The following MAML2 variants were observed in gnomAD, a reference collection of about 807,000 sequenced individuals.
MAML2 encodes mastermind like transcriptional coactivator 2, also known as mastermind-like protein 2.
Under a neutral mutation model 96.1 loss-of-function variants are expected in MAML2, and 22 were observed. The ratio of observed to expected loss-of-function variants is 0.23; its 90% CI spans 0.16 to 0.33. The LOEUF is 0.33. MAML2 is among the 10% of genes least tolerant of loss of function. MAML2 has a pLI of 1.00. For synonymous variants in MAML2, 561 were observed against 521.3 expected (o/e 1.08, Z -1.04); for missense variants, 1,367 against 1,392.4 (o/e 0.98, Z 0.29).
chr11:96,182,027 A>G (rs957531958), intron 1 of MAML2, among the ~76,000 whole-genome samples: 1 of 152,200 alleles, frequency 6.6e-6, no homozygotes, highest in African/African-American at 2.4e-5. Context: ...AAAAAGACAA[A>G]CTAATTTTCA....
chr11:96,305,840 G>A (rs1863454525), intron 1 of MAML2, among the ~76,000 whole-genome samples: 1 of 151,914 alleles, frequency 6.6e-6, no homozygotes, highest in African/African-American at 2.4e-5. Context: ...GGTTAAACTG[G>A]GTGAAAATAA....
intron 2 of MAML2, among the ~76,000 whole-genome samples, chr11:96,047,930 A>AAAAAAAAAAAAAG (rs1555001442): frequency 2.4e-5 from 3 of 127,392 alleles, no homozygotes; most frequent in African/African-American, 2.7e-5. Context: ...AAAAAAAAAA[A>AAAAAAAAAAAAAG]AAAAGAAAAA....
intron 2 of MAML2, among the ~76,000 whole-genome samples, chr11:96,072,838 C>T (rs568924053): frequency 2.2e-4 from 33 of 152,270 alleles, no homozygotes; most frequent in South Asian, 6.2e-4. Flanking sequence ...AAGGCAAATC[C>T]GCAAGTCTCC....
chr11:96,230,886 C>T (rs922843076), intron 1 of MAML2, among the ~76,000 whole-genome samples: 1 of 152,240 alleles, frequency 6.6e-6, no homozygotes, highest in Non-Finnish European at 1.5e-5. Context: ...CTCACTTCTG[C>T]ATTTCCTTCC....
At chr11:96,197,872 C>G (rs899562219) in intron 1 of MAML2, among the ~76,000 whole-genome samples, 1 of 151,986 alleles carries the variant, frequency 6.6e-6, no homozygotes, top group Non-Finnish European at 1.5e-5. Flanking sequence ...TAGGACTCAG[C>G]CAGGTGAAGT....
chr11:96,207,652 G>A (rs551512513), intron 1 of MAML2, among the ~76,000 whole-genome samples: 16 of 152,330 alleles, frequency 1.1e-4, no homozygotes, highest in Non-Finnish European at 1.5e-4. Flanking sequence ...CCACTTTACC[G>A]TATGGAGTAT....
chr11:96,095,029 T>C (rs574840582), intron 1 of MAML2, among the ~76,000 whole-genome samples: 2 of 152,340 alleles, frequency 1.3e-5, no homozygotes, highest in African/African-American at 4.8e-5. Context: ...TTATTACCCT[T>C]AATTTATAAA....
intron 1 of MAML2, among the ~76,000 whole-genome samples, chr11:96,282,106 G>A (rs917745835): frequency 6.6e-6 from 1 of 151,868 alleles, no homozygotes; most frequent in Non-Finnish European, 1.5e-5. Flanking sequence ...AAAATTAGCT[G>A]GGCGTGGTGG....
chr11:96,102,109 T>C (rs1387334457), intron 1 of MAML2, among the ~76,000 whole-genome samples: 1 of 152,126 alleles, frequency 6.6e-6, no homozygotes, highest in African/African-American at 2.4e-5. Context: ...ACACCATCTC[T>C]ACTAAAGACA....
At chr11:96,274,413 C>G (rs1862958994) in intron 1 of MAML2, among the ~76,000 whole-genome samples, 1 of 152,086 alleles carries the variant, frequency 6.6e-6, no homozygotes, top group South Asian at 2.1e-4. Context: ...TCATCTTTTT[C>G]TTTATAGACA....
intron 1 of MAML2, among the ~76,000 whole-genome samples, chr11:96,113,415 A>T (rs1205091953): frequency 6.6e-6 from 1 of 152,082 alleles, no homozygotes; most frequent in Non-Finnish European, 1.5e-5. Context: ...TGAGAATCTC[A>T]TTACATCAAG....
intron 2 of MAML2, among the ~76,000 whole-genome samples, chr11:96,034,459 G>GTGTA (rs1858672234): frequency 6.6e-6 from 1 of 150,992 alleles, no homozygotes; most frequent in African/African-American, 2.4e-5. Flanking sequence ...GAGAGAGAGT[G>GTGTA]TGTGTGTGTG....
At chr11:96,330,473 T>A (rs1035242721) in intron 1 of MAML2, among the ~76,000 whole-genome samples, 1 of 152,266 alleles carries the variant, frequency 6.6e-6, no homozygotes, top group African/African-American at 2.4e-5. Flanking sequence ...TAGAGTCATT[T>A]TCCATGCTAA....
rs375420407 is a variant in MAML2, at chr11:96,059,102, A to C, written c.2139+32790T>G. On this transcript the variant is annotated intron_variant, in intron 2 of 4. Coordinates refer to ENST00000524717, the MANE Select transcript of MAML2 (RefSeq NM_032427.4). ...ATATCAAAAATGATAATAGCAATAA[A>C]AAATAAAAGAGGAACCTGAGGCACA... is the stretch of plus-strand genomic sequence containing the variant. Among the ~76,000 whole-genome samples the C allele has an allele frequency of 3.3e-5, 5 of 152,324 alleles. No individual in the cohort carries two copies. The South Asian group carries it at 1.0e-3, about 32-fold the overall frequency.
chr11:96,148,825 A>G (rs1860867819), intron 1 of MAML2, among the ~76,000 whole-genome samples: 1 of 152,182 alleles, frequency 6.6e-6, no homozygotes. Context: ...TTTGGAAACC[A>G]AAGGACAGAG....
At chr11:96,234,405 CG>C (rs1377816965) in intron 1 of MAML2, among the ~76,000 whole-genome samples, 3 of 152,140 alleles carry the variant, frequency 2.0e-5, no homozygotes, top group African/African-American at 7.2e-5. Context: ...CACTTGAACC[CG>C]GGAGGCGGAG....
intron 2 of MAML2, among the ~76,000 whole-genome samples, chr11:96,051,314 A>T (rs1349444629): frequency 6.6e-6 from 1 of 152,174 alleles, no homozygotes; most frequent in Non-Finnish European, 1.5e-5. Flanking sequence ...GATCATTAGT[A>T]ATACCAGTAA....
chr11:96,287,718 T>G (rs1382740524), intron 1 of MAML2, among the ~76,000 whole-genome samples: 1 of 152,232 alleles, frequency 6.6e-6, no homozygotes, highest in Non-Finnish European at 1.5e-5. Flanking sequence ...CATTAAATAC[T>G]CAGACACCTT....
intron 1 of MAML2, among the ~76,000 whole-genome samples, chr11:96,284,594 T>C (rs2135987922): frequency 6.6e-6 from 1 of 152,356 alleles, no homozygotes; most frequent in East Asian, 1.9e-4. Flanking sequence ...ATCAGTCTGA[T>C]GGTGCTAAAG....
Sources: gnomAD v4.1 joint callset for allele counts (sites outside exome capture counted in the v4.1 genomes callset) on GRCh38, gnomAD v4.1.1 for gene constraint, MANE v1.5 for transcripts, NCBI Gene and HGNC (gene_info 2026-07-23, HGNC 2026-07-21) for gene names.